Variants in SESN2 observed in about 807,000 individuals in gnomAD.
SESN2 encodes sestrin-2.
Under a neutral mutation model 56.0 loss-of-function variants are expected in SESN2, and 42 were observed. The observed-to-expected ratio is 0.75, with a 90% CI of 0.59 to 0.97. SESN2 has a LOEUF of 0.97. Ranked by LOEUF, SESN2 falls within the 50% of genes least tolerant of loss-of-function variation. The pLI, the probability that SESN2 is intolerant of heterozygous loss-of-function variation, is 0.00. For synonymous variants in SESN2, 264 were observed against 267.1 expected, an observed-to-expected ratio of 0.99 and a Z score of 0.11; for missense variants, 507 against 649.4, an observed-to-expected ratio of 0.78 and a Z score of 2.38.
intron 2 of SESN2, among the ~76,000 whole-genome samples, chr1:28,271,132 C>T (rs967041162): frequency 6.6e-6 from 1 of 152,220 alleles, no homozygotes; most frequent in African/African-American, 2.4e-5. Context: ...CTGGTTTCCT[C>T]ATCTGGCAAA....
At chr1:28,275,120 T>A (rs1487838783) in intron 8 of SESN2, 105 bp downstream of exon 8, 1 of 793,956 alleles carries the variant, frequency 1.3e-6, no homozygotes, top group Non-Finnish European at 1.9e-6. Flanking sequence ...TCCTTTCTTC[T>A]TGCCTATACT....
At position 28,282,314 on chromosome 1, in the gene SESN2, G is replaced by T. The variant is rs972519393; in HGVS notation, c.*1512G>T. ...GCCTGAAAGCCCTCCCTGCAAGAAGGTGTGCAGGAGAGAAGAGGCCCCGGC... is the reference window on the plus strand; with the variant it reads ...GCCTGAAAGCCCTCCCTGCAAGAAGTTGTGCAGGAGAGAAGAGGCCCCGGC... On this transcript the variant is annotated 3_prime_UTR_variant, in exon 10 of 10. Transcript: ENST00000253063. The T allele has an allele frequency of 6.6e-6, 1 of 152,264 alleles. No individual in the cohort carries two copies. The highest frequency in any genetic ancestry group is 2.4e-5 in the African/African-American group (1 of 41,442). 9.4% of individuals were successfully genotyped at this position (152,264 alleles called of 1,614,324 possible). A position where few individuals can be genotyped will look rare whatever the true frequency, so the allele number is the denominator to read the frequency against.
intron 9 of SESN2, 31 bp from the exon 10 acceptor site, chr1:28,280,685 A>G (rs1274297770): frequency 1.9e-6 from 3 of 1,565,464 alleles, no homozygotes; most frequent in Non-Finnish European, 1.8e-6. Context: ...GAGTGACATC[A>G]GTTGCCAACA....
chr1:28,275,475 C>A (rs1648001699), intron 8 of SESN2, among the ~76,000 whole-genome samples: 1 of 152,172 alleles, frequency 6.6e-6, no homozygotes, highest in South Asian at 2.1e-4. Flanking sequence ...TTACAATAGG[C>A]TGGGCGCAGT....
chr1:28,274,887 G>T lies in SESN2; in HGVS notation c.1083G>T (p.Gln361His). 6.2e-7 allele frequency: 1 copy of T among 1,614,214 alleles called. No individual in the cohort carries two copies. The highest frequency in any genetic ancestry group is 1.7e-4 in the Middle Eastern group (1 of 6,060). The change falls in exon 8 of 10, where the codon CAG becomes CAT. Residue 361 changes from glutamine to histidine, a missense_variant. Gln to His is a conservative substitution (Grantham distance 24). Coordinates refer to ENST00000253063, the MANE Select transcript of SESN2 (RefSeq NM_031459.5). ...AGCGGCTTTACCCTGAGGGTGGGCA[G>T]CTGCTGGATGAGAAGTTCCAGGCAG... The part of the protein sequence containing the change: ...LIQRLYPEGG[Q>H]LLDEKFQAAY...
At position 28,259,796 on chromosome 1, in the gene SESN2, C is replaced by A; in HGVS notation, c.-52C>A. 1 of 1,320,528 alleles carries A rather than the reference C, an allele frequency of 7.6e-7. No homozygotes were observed. The highest frequency in any genetic ancestry group is 9.8e-7 in the Non-Finnish European group (1 of 1,020,784). 81.8% of individuals were successfully genotyped at this position (1,320,528 alleles called of 1,614,324 possible). ...TTCATTCGGGCGTCCCTCCGAAACC[C>A]ACTCGGGTGCACGGGTCGTCGGCGA... On this transcript the variant is annotated 5_prime_UTR_variant, in exon 1 of 10. Transcript: ENST00000253063.
Position 28,259,666 on chromosome 1 carries a change from G to T in SESN2, c.-182G>T. Reference sequence around the variant, plus strand: ...CGCCGTTCCCGAAGCCCGACTGGGGGAAGAGTCCAGCACCAAAGCGGCCGT... The same window carrying T: ...CGCCGTTCCCGAAGCCCGACTGGGGTAAGAGTCCAGCACCAAAGCGGCCGT... On this transcript the variant is annotated 5_prime_UTR_variant, in exon 1 of 10. Coordinates refer to ENST00000253063, the MANE Select transcript of SESN2 (RefSeq NM_031459.5). The T allele has an allele frequency of 2.2e-6, 1 of 462,128 alleles. No homozygotes were observed. The highest frequency in any genetic ancestry group is 3.8e-6 in the Non-Finnish European group (1 of 264,950). 28.6% of individuals were successfully genotyped at this position (462,128 alleles called of 1,614,324 possible).
chr1:28,262,857 G>A (rs1647428561), intron 1 of SESN2, among the ~76,000 whole-genome samples: 1 of 152,192 alleles, frequency 6.6e-6, no homozygotes, highest in South Asian at 2.1e-4. Context: ...GAACCTGGGA[G>A]GCAGAGGTTG....
rs756767967 is a variant in SESN2 at position 28,264,954 on chromosome 1, T to G, written c.91-4229T>G. ...GAGACTATTGAGACCTTGAGAAGTT[T>G]AGAGAATGGGGAATCATTTCTGCAC... On this transcript the variant is annotated intron_variant, in intron 1 of 9. Transcript: ENST00000253063. 3.9e-4 allele frequency among the ~76,000 whole-genome samples: 59 copies of G among 152,188 alleles called. 1 individual carries two copies. The highest frequency in any genetic ancestry group is 7.4e-4 in the Non-Finnish European group (50 of 68,022).
intron 1 of SESN2, among the ~76,000 whole-genome samples, chr1:28,263,914 C>T (rs1181782737): frequency 6.6e-6 from 1 of 152,020 alleles, no homozygotes; most frequent in African/African-American, 2.4e-5. Flanking sequence ...TAAAAGTTAA[C>T]ATATAGTAAG....
intron 1 of SESN2, among the ~76,000 whole-genome samples, chr1:28,266,718 G>A (rs1647572118): frequency 6.6e-6 from 1 of 151,968 alleles, no homozygotes; most frequent in South Asian, 2.1e-4. Context: ...GTGCTACCAT[G>A]CCCAGCTAAT....
intron 1 of SESN2, 26 bp from the exon 2 acceptor site, chr1:28,269,157 G>A: frequency 6.3e-7 from 1 of 1,588,314 alleles, no homozygotes; most frequent in Middle Eastern, 1.7e-4. Context: ...TTCTACTACG[G>A]ACTAACCTCA....
At chr1:28,271,556 TG>T (rs1283441115) in intron 2 of SESN2, 117 bp from the exon 3 acceptor site, 2 of 692,258 alleles carry the variant, frequency 2.9e-6, no homozygotes, top group African/African-American at 1.8e-5. Context: ...TCTTTCTTTT[TG>T]GACACGGTGG....
In SESN2 at chr1:28,280,914, T is replaced by G; in HGVS notation, c.*112T>G. ...CCACCCTCCCCACGCTGCAGTGGGC[T>G]TGTGTGTGATGTGCAGTCCCGAAGC... On this transcript the variant is annotated 3_prime_UTR_variant, in exon 10 of 10. Transcript: ENST00000253063. 1.3e-6 allele frequency: 1 copy of G among 780,776 alleles called. No homozygotes were observed. The allele number at this position is 780,776 out of a possible 1,614,324, so 48.4% of individuals were successfully genotyped here. A position where few individuals can be genotyped will look rare whatever the true frequency, so the allele number is the denominator to read the frequency against.
At chr1:28,275,912 T>C (rs1648021972) in intron 8 of SESN2, among the ~76,000 whole-genome samples, 1 of 151,820 alleles carries the variant, frequency 6.6e-6, no homozygotes, top group Non-Finnish European at 1.5e-5. Context: ...AAAATTTGCC[T>C]GTGTGGTGGC....
At position 28,262,406 on chromosome 1, in the gene SESN2, G is replaced by A. The variant is rs151236794; in HGVS notation, c.90+2469G>A. 2.0e-5 allele frequency among the ~76,000 whole-genome samples: 3 copies of A among 152,186 alleles called. No individual in the cohort carries two copies. In the East Asian group the frequency reaches 5.8e-4, roughly 29 times the overall value. On this transcript the variant is annotated intron_variant, in intron 1 of 9. Transcript: ENST00000253063. ...GCCTGTAATACTAACACTTTGGGAG[G>A]CCGAGGCAGATGGATTGCTTGAGCC...
intron 1 of SESN2, among the ~76,000 whole-genome samples, chr1:28,260,538 G>C (rs950423581): frequency 6.6e-6 from 1 of 151,612 alleles, no homozygotes; most frequent in Admixed American, 6.5e-5. Flanking sequence ...CGGGCCGCCC[G>C]GTACGCGGCG....
chr1:28,260,376 G>T (rs545649095), intron 1 of SESN2, among the ~76,000 whole-genome samples: 3 of 152,192 alleles, frequency 2.0e-5, no homozygotes, highest in African/African-American at 7.2e-5. Context: ...CGCGGGGGCC[G>T]GCGGGCAGAG....
chr1:28,260,252 C>T (rs1398166017), intron 1 of SESN2, among the ~76,000 whole-genome samples: 1 of 151,874 alleles, frequency 6.6e-6, no homozygotes. Flanking sequence ...GAGAAGCCTT[C>T]TGGAGGCTCT....
Sources: allele counts gnomAD v4.1 joint callset (sites outside exome capture counted in the v4.1 genomes callset), GRCh38; gene constraint gnomAD v4.1.1; transcripts MANE v1.5; gene names NCBI Gene and HGNC (gene_info 2026-07-23, HGNC 2026-07-21).